The following CSMD3 variants were observed in gnomAD, a reference collection of about 807,000 sequenced individuals.
CSMD3 encodes the protein CUB and sushi domain-containing protein 3.
Under a neutral mutation model 435.2 loss-of-function variants are expected in CSMD3, and 177 were observed. That is an observed-to-expected ratio of 0.41 (90% CI 0.36 to 0.46). The LOEUF is 0.46. Among genes scored for constraint, CSMD3 ranks in the 20% least tolerant of loss-of-function variants. The pLI, the probability that CSMD3 is intolerant of heterozygous loss-of-function variation, is 0.34. For missense variants in CSMD3, 4,265 were observed against 4,504.6 expected (o/e 0.95, Z 1.52); for synonymous variants, 1,656 against 1,520.5 (o/e 1.09, Z -2.07).
intron 3 of CSMD3, among the ~76,000 whole-genome samples, chr8:113,205,203 T>A (rs910652967): frequency 6.6e-6 from 1 of 151,984 alleles, no homozygotes; most frequent in African/African-American, 2.4e-5. Flanking sequence ...GGCTGGTCTC[T>A]AACTCCTGAC....
intron 24 of CSMD3, among the ~76,000 whole-genome samples, chr8:112,560,220 T>G (rs947708391): frequency 6.6e-6 from 1 of 151,806 alleles, no homozygotes; most frequent in Non-Finnish European, 1.5e-5. Context: ...TCAGAGAACA[T>G]TAGGAGTCTT....
At chr8:112,392,314 C>CAAAAAAAAAAAA (rs1200157495) in intron 35 of CSMD3, among the ~76,000 whole-genome samples, 2 of 83,980 alleles carry the variant, frequency 2.4e-5, no homozygotes, top group Non-Finnish European at 4.5e-5. Flanking sequence ...GGCAATTACT[C>CAAAAAAAAAAAA]AAAAAAAAAA....
chr8:113,264,516 A>C (rs1030489351), intron 3 of CSMD3, among the ~76,000 whole-genome samples: 2 of 151,416 alleles, frequency 1.3e-5, no homozygotes, highest in African/African-American at 4.8e-5. Context: ...TCTTTTTCAC[A>C]TGAAGCACAA....
At chr8:113,378,783 G>GTGTC (rs2094401775) in intron 1 of CSMD3, among the ~76,000 whole-genome samples, 1 of 151,936 alleles carries the variant, frequency 6.6e-6, no homozygotes. Flanking sequence ...GTGTGTGTGT[G>GTGTC]TGTGTGTGAT....
At chr8:112,313,765 G>C in intron 49 of CSMD3, 141 bp downstream of exon 49, 2 of 645,666 alleles carry the variant, frequency 3.1e-6, no homozygotes. Context: ...AAATAGAGAG[G>C]TTACATAAAT....
At chr8:112,881,639 A>G (rs988805707) in intron 10 of CSMD3, among the ~76,000 whole-genome samples, 1 of 152,018 alleles carries the variant, frequency 6.6e-6, no homozygotes, top group Non-Finnish European at 1.5e-5. Flanking sequence ...AGGGCTTAAC[A>G]AATCCTTGGT....
chr8:112,812,497 G>A (rs141528341), intron 12 of CSMD3, among the ~76,000 whole-genome samples: 25 of 152,256 alleles, frequency 1.6e-4, no homozygotes, highest in African/African-American at 5.3e-4. Context: ...CAAGTAGCCT[G>A]CTTGGCCCTT....
rs116323860 is a variant in CSMD3, at chr8:112,820,861, G to A, written c.1859+8825C>T. On this transcript the variant is annotated intron_variant, in intron 12 of 70. Coordinates refer to ENST00000297405, the MANE Select transcript of CSMD3 (RefSeq NM_198123.2). ...TCTGGTGTGTGTTGTTCTCCTGCCT[G>A]TGTACATGTTCAACTCCCACTTATG... 3.7e-3 allele frequency among the ~76,000 whole-genome samples: 561 copies of A among 151,840 alleles called. 2 individuals carry two copies. The highest frequency in any genetic ancestry group is 0.013 in the African/African-American group (533 of 41,478).
intron 13 of CSMD3, among the ~76,000 whole-genome samples, chr8:112,695,684 C>T (rs999626976): frequency 6.6e-6 from 1 of 152,170 alleles, no homozygotes; most frequent in East Asian, 1.9e-4. Context: ...GACAGGGATG[C>T]CCTCTCTCAC....
chr8:112,837,176 G>C (rs1045153867), intron 11 of CSMD3, among the ~76,000 whole-genome samples: 3 of 151,544 alleles, frequency 2.0e-5, no homozygotes, highest in Non-Finnish European at 3.0e-5. Flanking sequence ...AATATAGAAA[G>C]CATCTATTGA....
chr8:113,345,820 C>A (rs982738585), intron 1 of CSMD3, among the ~76,000 whole-genome samples: 1 of 151,958 alleles, frequency 6.6e-6, no homozygotes, highest in Non-Finnish European at 1.5e-5. Context: ...GAGTAGTTGC[C>A]CAGGTTATAC....
At chr8:112,962,615 G>A (rs182457090) in intron 7 of CSMD3, among the ~76,000 whole-genome samples, 7 of 151,822 alleles carry the variant, frequency 4.6e-5, no homozygotes, top group Non-Finnish European at 1.0e-4. Flanking sequence ...GTGATTTCAG[G>A]TCATTATATT....
At chr8:113,207,080 T>A (rs1044297654) in intron 3 of CSMD3, among the ~76,000 whole-genome samples, 1 of 152,144 alleles carries the variant, frequency 6.6e-6, no homozygotes, top group Non-Finnish European at 1.5e-5. Context: ...TGTATCTGCA[T>A]GTTGGTAAGT....
rs1246601021 is a variant in CSMD3 at position 112,246,917 on chromosome 8, A to C, written c.10222+103T>G. ...TAATATGTTTTATAATCTAAAAGTC[A>C]ATTTGATACACATATAGATGTAAAT... On this transcript the variant is annotated intron_variant, in intron 64 of 70. Transcript: ENST00000297405. 3 of 823,212 alleles carry C rather than the reference A, an allele frequency of 3.6e-6. No homozygotes were observed. In the East Asian group the frequency reaches 7.9e-5, roughly 22 times the overall value. 51.0% of individuals were successfully genotyped at this position (823,212 alleles called of 1,614,324 possible). A position where few individuals can be genotyped will look rare whatever the true frequency, so the allele number is the denominator to read the frequency against.
chr8:112,345,447 G>T lies in CSMD3; in HGVS notation c.6442+650C>A, dbSNP rs375001709. ...GAATTCTGTCATATACAACAAAATG[G>T]ATGAACCTGGAGGGCATTATGTTAA... On this transcript the variant is annotated intron_variant, in intron 41 of 70. Coordinates refer to ENST00000297405, the MANE Select transcript of CSMD3 (RefSeq NM_198123.2). Among the ~76,000 whole-genome samples the T allele has an allele frequency of 1.1e-4, 16 of 152,170 alleles. No individual in the cohort carries two copies. The East Asian group carries it at 3.1e-3, about 29-fold the overall frequency.
At chr8:113,224,994 G>C (rs1425342405) in intron 3 of CSMD3, among the ~76,000 whole-genome samples, 4 of 151,330 alleles carry the variant, frequency 2.6e-5, no homozygotes, top group African/African-American at 9.7e-5. Context: ...ATAAATATAT[G>C]TATTACTGTT....
chr8:112,952,852 A>G (rs943658215), intron 8 of CSMD3, among the ~76,000 whole-genome samples: 2 of 151,662 alleles, frequency 1.3e-5, no homozygotes, highest in Middle Eastern at 3.4e-3. Context: ...TATTTCTTAA[A>G]CAAGATATTT....
chr8:112,633,344 T>C (rs2074569513), intron 22 of CSMD3, among the ~76,000 whole-genome samples: 1 of 152,032 alleles, frequency 6.6e-6, no homozygotes, highest in African/African-American at 2.4e-5. Flanking sequence ...GTGCTACTAC[T>C]GTGGACCATA....
chr8:112,623,612 C>A (rs529849437), intron 22 of CSMD3, among the ~76,000 whole-genome samples: 46 of 116,496 alleles, frequency 3.9e-4, no homozygotes, highest in Admixed American at 2.6e-3. Context: ...TGTGCTGCAC[C>A]CACTAACTCG....
Sources: gnomAD v4.1 joint callset for allele counts (sites outside exome capture counted in the v4.1 genomes callset) on GRCh38, gnomAD v4.1.1 for gene constraint, MANE v1.5 for transcripts, NCBI Gene and HGNC (gene_info 2026-07-23, HGNC 2026-07-21) for gene names.